Variants in FBN2 observed in about 807,000 individuals in gnomAD.
FBN2 encodes fibrillin 2.
Under a neutral mutation model 355.6 loss-of-function variants are expected in FBN2, and 105 were observed. The ratio of observed to expected loss-of-function variants is 0.30; its 90% CI spans 0.25 to 0.35. The LOEUF (loss-of-function observed/expected upper bound fraction) is 0.35. FBN2 is among the 10% of genes least tolerant of loss of function. FBN2 has a pLI of 1.00. For synonymous variants in FBN2, 1,350 were observed against 1,301.2 expected, an observed-to-expected ratio of 1.04 and a Z score of -0.81; for missense variants, 3,280 against 3,758.7, an observed-to-expected ratio of 0.87 and a Z score of 3.33.
chr5:128,410,802 A>G lies in FBN2; in HGVS notation c.953-2003T>C, dbSNP rs550241006. ...GCAAAAAAAACCTATGTGTTTCACA[A>G]TTCTCCTTACAGTTGAGTAGGAACC... On this transcript the variant is annotated intron_variant, in intron 7 of 64. Coordinates refer to ENST00000262464, the MANE Select transcript of FBN2 (RefSeq NM_001999.4). Among the ~76,000 whole-genome samples, 12 of 152,332 alleles carry G rather than the reference A, an allele frequency of 7.9e-5. No homozygotes were observed. The South Asian group carries it at 2.3e-3, about 29-fold the overall frequency.
At chr5:128,344,351 G>C in intron 25 of FBN2, 34 bp downstream of exon 25, 1 of 1,612,228 alleles carries the variant, frequency 6.2e-7, no homozygotes, top group Non-Finnish European at 8.5e-7. Flanking sequence ...AAGACAGCCA[G>C]AGTTTATCAA....
intron 11 of FBN2, among the ~76,000 whole-genome samples, chr5:128,381,792 T>C (rs1007013571): frequency 3.9e-5 from 6 of 152,050 alleles, no homozygotes; most frequent in South Asian, 2.1e-4. Context: ...TATGGTTATA[T>C]AGTGTACAAC....
At chr5:128,287,561 C>T in intron 53 of FBN2, 131 bp from the exon 54 acceptor site, 3 of 915,138 alleles carry the variant, frequency 3.3e-6, no homozygotes, top group Admixed American at 4.0e-5. Flanking sequence ...ATCTGGTACG[C>T]AGAATTTAGT....
At chr5:128,351,596 T>C (rs960789745) in intron 20 of FBN2, among the ~76,000 whole-genome samples, 4 of 152,094 alleles carry the variant, frequency 2.6e-5, no homozygotes, top group Non-Finnish European at 4.4e-5. Context: ...GAAAATACTT[T>C]CATGTACCTG....
chr5:128,416,675 C>G (rs761689701), intron 7 of FBN2, among the ~76,000 whole-genome samples: 2 of 152,120 alleles, frequency 1.3e-5, no homozygotes, highest in Non-Finnish European at 2.9e-5. Context: ...ATGTCCATTC[C>G]TCAATGTTGT....
chr5:128,276,675 C>T (rs1765401628), intron 58 of FBN2, among the ~76,000 whole-genome samples: 1 of 152,180 alleles, frequency 6.6e-6, no homozygotes, highest in Non-Finnish European at 1.5e-5. Context: ...TGCCCTCTGT[C>T]TTCTGTCTGG....
intron 3 of FBN2, among the ~76,000 whole-genome samples, chr5:128,530,068 A>C (rs1421884623): frequency 6.6e-6 from 1 of 152,198 alleles, no homozygotes; most frequent in Non-Finnish European, 1.5e-5. Context: ...GCCTTGTTAT[A>C]ATGTTATCTT....
chr5:128,300,964 A>G, intron 47 of FBN2, 28 bp from the exon 48 acceptor site: 1 of 1,607,224 alleles, frequency 6.2e-7, no homozygotes, highest in Non-Finnish European at 8.5e-7. Context: ...AGAAAAAATA[A>G]TTTAAGCATG....
chr5:128,466,457 C>T (rs1015553705), intron 5 of FBN2, among the ~76,000 whole-genome samples: 1 of 152,084 alleles, frequency 6.6e-6, no homozygotes, highest in Admixed American at 6.5e-5. Context: ...AAAACTGTTT[C>T]TAGGAAAATC....
intron 5 of FBN2, among the ~76,000 whole-genome samples, chr5:128,504,505 C>A (rs1236143243): frequency 1.3e-5 from 2 of 152,172 alleles, no homozygotes; most frequent in African/African-American, 4.8e-5. Flanking sequence ...TTCAGCATGA[C>A]CTGGATGTGA....
intron 15 of FBN2, chr5:128,371,236 T>C (rs1378873842): frequency 1.3e-5 from 2 of 152,098 alleles, no homozygotes; most frequent in Admixed American, 6.6e-5. Flanking sequence ...AGACCCCAAA[T>C]TGGCAACCTA....
chr5:128,369,306 T>C lies in FBN2; in HGVS notation c.2124A>G (p.Gly708=). The change falls in exon 16 of 65, where the codon GGA becomes GGG. Residue 708 remains glycine, a synonymous_variant. Coordinates refer to ENST00000262464, the MANE Select transcript of FBN2 (RefSeq NM_001999.4). ...VDTHMRSTCY[G]GIKKGVCVRP... is the part of the protein sequence containing the mutation. ...GCACACACACTCCTTTCTTGATTCC[T>C]CCATAGCAGGTACTGCGCATGTGAG... 4 of 1,614,088 alleles carry C rather than the reference T, an allele frequency of 2.5e-6. No homozygotes were observed. The highest frequency in any genetic ancestry group is 2.5e-6 in the Non-Finnish European group (3 of 1,180,008).
chr5:128,279,960 T>A (rs924616531), intron 56 of FBN2, among the ~76,000 whole-genome samples: 1 of 152,218 alleles, frequency 6.6e-6, no homozygotes, highest in Non-Finnish European at 1.5e-5. Flanking sequence ...AATCTTAATT[T>A]TGGAAAGACT....
At chr5:128,411,774 A>T in intron 7 of FBN2, among the ~76,000 whole-genome samples, 1 of 151,752 alleles carries the variant, frequency 6.6e-6, no homozygotes, top group South Asian at 2.1e-4. Flanking sequence ...CTCGCCAGGG[A>T]CCCCCACCCC....
intron 11 of FBN2, among the ~76,000 whole-genome samples, chr5:128,386,811 CT>C (rs1752377864): frequency 6.6e-6 from 1 of 152,080 alleles, no homozygotes; most frequent in Non-Finnish European, 1.5e-5. Flanking sequence ...GATGAATTAG[CT>C]TTTTGATGTG....
intron 5 of FBN2, among the ~76,000 whole-genome samples, chr5:128,487,356 A>G (rs1050551569): frequency 5.3e-5 from 8 of 152,128 alleles, no homozygotes; most frequent in Non-Finnish European, 1.0e-4. Flanking sequence ...AGCCACAGAG[A>G]TTTTTACGGT....
intron 5 of FBN2, among the ~76,000 whole-genome samples, chr5:128,479,948 C>CTA: frequency 6.2e-5 from 2 of 32,376 alleles, no homozygotes; most frequent in Non-Finnish European, 1.2e-4. Flanking sequence ...CTCTCTCTCT[C>CTA]TCTCTCTCTC....
At chr5:128,440,153 G>A (rs969666520) in intron 7 of FBN2, among the ~76,000 whole-genome samples, 2 of 152,064 alleles carry the variant, frequency 1.3e-5, no homozygotes, top group African/African-American at 4.8e-5. Context: ...TATCTAAAAT[G>A]TCCTGTTCTC....
chr5:128,304,752 C>T (rs1030330789), intron 45 of FBN2, among the ~76,000 whole-genome samples: 1 of 151,712 alleles, frequency 6.6e-6, no homozygotes, highest in Admixed American at 6.5e-5. Context: ...GCAGTATGTC[C>T]CTGCTTGCAA....
Sources: allele counts gnomAD v4.1 joint callset (sites outside exome capture counted in the v4.1 genomes callset), GRCh38; gene constraint gnomAD v4.1.1; transcripts MANE v1.5; gene names NCBI Gene and HGNC (gene_info 2026-07-23, HGNC 2026-07-21).